The following TNNI3K variants were observed in gnomAD, a reference collection of about 807,000 sequenced individuals.
TNNI3K encodes TNNI3 interacting kinase, also known as serine/threonine-protein kinase TNNI3K.
A neutral mutation model predicts 114.5 loss-of-function variants in TNNI3K; 140 were observed. The ratio of observed to expected loss-of-function variants is 1.22; its 90% CI spans 1.07 to 1.41. The LOEUF (loss-of-function observed/expected upper bound fraction) is 1.41, where lower values mean the gene tolerates loss of function less well. Among genes scored for constraint, TNNI3K ranks in the 40% most tolerant of loss-of-function variants. The pLI, the probability that TNNI3K is intolerant of heterozygous loss-of-function variation, is 0.00. For synonymous variants in TNNI3K, 347 were observed against 347.5 expected (o/e 1.00, Z 0.02); for missense variants, 1,125 against 1,007.6 (o/e 1.12, Z -1.58).
intron 20 of TNNI3K, among the ~76,000 whole-genome samples, chr1:74,451,172 C>T (rs935090766): frequency 2.0e-5 from 3 of 152,048 alleles, no homozygotes; most frequent in African/African-American, 7.2e-5. Context: ...CACATGTTCT[C>T]ACTTATAAGC....
chr1:74,344,995 ATATG>A (rs1339155731), intron 9 of TNNI3K, among the ~76,000 whole-genome samples: 1 of 152,084 alleles, frequency 6.6e-6, no homozygotes, highest in Admixed American at 6.6e-5. Flanking sequence ...ATACAAATAT[ATATG>A]TATATATATG....
chr1:74,510,786 C>A (rs903371236), intron 23 of TNNI3K, among the ~76,000 whole-genome samples: 1 of 152,226 alleles, frequency 6.6e-6, no homozygotes, highest in Non-Finnish European at 1.5e-5. Context: ...GTGTTGATTT[C>A]CCTCTAGGTA....
chr1:74,241,851 CT>C (rs68025428), intron 2 of TNNI3K, among the ~76,000 whole-genome samples: 75,021 of 127,890 alleles, frequency 0.59, 21,936 homozygotes, highest in African/African-American at 0.75. Flanking sequence ...AGTTCTTTTC[CT>C]TTTTTTTTTT....
intron 4 of TNNI3K, among the ~76,000 whole-genome samples, chr1:74,251,634 C>T (rs17095019): frequency 0.047 from 7,185 of 152,148 alleles, 570 homozygotes; most frequent in African/African-American, 0.16. Context: ...CATTTTCAAG[C>T]GAGTCTGTGA....
At chr1:74,360,575 T>A (rs1338831863) in intron 11 of TNNI3K, among the ~76,000 whole-genome samples, 1 of 152,094 alleles carries the variant, frequency 6.6e-6, no homozygotes, top group Non-Finnish European at 1.5e-5. Flanking sequence ...TGCTCATTCA[T>A]CCTTACATAT....
At chr1:74,335,300 T>C (rs1217593224) in intron 6 of TNNI3K, among the ~76,000 whole-genome samples, 1 of 152,174 alleles carries the variant, frequency 6.6e-6, no homozygotes, top group Non-Finnish European at 1.5e-5. Flanking sequence ...TCTAGGACTA[T>C]CTTAAACTGC....
rs778596060 is a variant in TNNI3K, at chr1:74,353,989, C to G, written c.1037C>G (p.Ser346Cys). 10 of 1,613,570 alleles carry G rather than the reference C, an allele frequency of 6.2e-6. No individual in the cohort carries two copies. Among genetic ancestry groups the G allele is most frequent in the Non-Finnish European group, 8.5e-6 (10 of 1,179,848 alleles). ...QGRDGHTGLHSACYHGHIRLV... is the reference protein window; with the variant it reads ...QGRDGHTGLHCACYHGHIRLV... The stretch of plus-strand genomic sequence containing the variant: ...TTCTTTTCTATTACAGGATTACACT[C>G]TGCTTGCTACCACGGTCACATTCGC... The change falls in exon 11 of 25, where the codon TCT becomes TGT. Residue 346 changes from serine to cysteine, a missense_variant. By Grantham distance (112) the Ser-to-Cys change is moderately radical (BLOSUM62 -1). Transcript: ENST00000326637.
At chr1:74,291,438 A>G (rs923581465) in intron 5 of TNNI3K, among the ~76,000 whole-genome samples, 2 of 151,584 alleles carry the variant, frequency 1.3e-5, no homozygotes, top group South Asian at 2.1e-4. Context: ...GGTCTTATGT[A>G]CAAGGGAAGG....
chr1:74,344,792 G>A (rs139525572), intron 9 of TNNI3K, among the ~76,000 whole-genome samples: 7 of 152,174 alleles, frequency 4.6e-5, no homozygotes, highest in African/African-American at 7.2e-5. Flanking sequence ...GTTTTATTTC[G>A]TGTAAGCCTG....
chr1:74,514,113 A>G (rs775146571), intron 23 of TNNI3K, among the ~76,000 whole-genome samples: 11 of 152,240 alleles, frequency 7.2e-5, no homozygotes, highest in Non-Finnish European at 1.6e-4. Flanking sequence ...ACACCAAAAT[A>G]GAAGCTTCCT....
intron 17 of TNNI3K, among the ~76,000 whole-genome samples, chr1:74,386,522 A>C (rs1056331608): frequency 6.6e-6 from 1 of 152,086 alleles, no homozygotes; most frequent in African/African-American, 2.4e-5. Context: ...AATACAATAA[A>C]TTAATTAATT....
chr1:74,453,979 G>A (rs568321419), intron 20 of TNNI3K, among the ~76,000 whole-genome samples: 1 of 152,232 alleles, frequency 6.6e-6, no homozygotes, highest in South Asian at 2.1e-4. Context: ...GGCTAACACC[G>A]TAGGGGCTAA....
intron 20 of TNNI3K, among the ~76,000 whole-genome samples, chr1:74,453,354 G>C (rs572280525): frequency 6.6e-6 from 1 of 152,144 alleles, no homozygotes; most frequent in South Asian, 2.1e-4. Context: ...CAAGAAACAA[G>C]ATGTCTAATA....
At chr1:74,356,616 T>C (rs1311859731) in intron 11 of TNNI3K, among the ~76,000 whole-genome samples, 2 of 152,214 alleles carry the variant, frequency 1.3e-5, no homozygotes, top group Non-Finnish European at 2.9e-5. Flanking sequence ...GCTCAGAAAT[T>C]GCTGCTGCAG....
Position 74,522,973 on chromosome 1 carries a change from T to C in TNNI3K, c.2352-17261T>C, listed in dbSNP as rs11805902. Among the ~76,000 whole-genome samples, 204 of 152,276 alleles carry C rather than the reference T, an allele frequency of 1.3e-3. 1 individual carries two copies. Among genetic ancestry groups the C allele is most frequent in the African/African-American group, 4.4e-3 (184 of 41,568 alleles). On this transcript the variant is annotated intron_variant, in intron 23 of 24. Coordinates refer to ENST00000326637, the MANE Select transcript of TNNI3K (RefSeq NM_015978.3). ...CCCACTGGAAATTGAAGAATCCAAATTACTAATGAGAGGGGAAACCCCATG... is the reference window on the plus strand; with the variant it reads ...CCCACTGGAAATTGAAGAATCCAAACTACTAATGAGAGGGGAAACCCCATG...
chr1:74,328,807 C>T (rs1021846235), intron 5 of TNNI3K, among the ~76,000 whole-genome samples: 6 of 152,138 alleles, frequency 3.9e-5, no homozygotes, highest in African/African-American at 9.6e-5. Context: ...GGAAGCATGC[C>T]TAAGAAATTG....
At chr1:74,363,930 A>AT (rs5775237) in intron 11 of TNNI3K, among the ~76,000 whole-genome samples, 148,953 of 149,358 alleles carry the variant, frequency 1, 74,276 homozygotes, top group Middle Eastern at 1. Flanking sequence ...AAATAAAAAA[A>AT]AACCTTAGAA....
At chr1:74,319,766 G>C (rs890289518) in intron 5 of TNNI3K, among the ~76,000 whole-genome samples, 1 of 152,186 alleles carries the variant, frequency 6.6e-6, no homozygotes, top group Non-Finnish European at 1.5e-5. Flanking sequence ...AACAAGAAAC[G>C]GGTGCTGGGT....
At chr1:74,419,802 T>C (rs1665307891) in intron 17 of TNNI3K, among the ~76,000 whole-genome samples, 1 of 152,120 alleles carries the variant, frequency 6.6e-6, no homozygotes, top group Non-Finnish European at 1.5e-5. Context: ...TGAAAATTGC[T>C]GACAAAAGCT....
Sources: gnomAD v4.1 joint callset for allele counts (sites outside exome capture counted in the v4.1 genomes callset) on GRCh38, gnomAD v4.1.1 for gene constraint, MANE v1.5 for transcripts, NCBI Gene and HGNC (gene_info 2026-07-23, HGNC 2026-07-21) for gene names.